The following KIF23 variants were observed in gnomAD, a reference collection of about 807,000 sequenced individuals.
The protein encoded by KIF23 is kinesin-like protein KIF23.
In KIF23, 30 loss-of-function variants were observed where a neutral mutation model predicts 137.5. The observed-to-expected ratio is 0.22, with a 90% confidence interval of 0.16 to 0.30. KIF23 has a LOEUF of 0.30. Ranked by LOEUF, KIF23 falls within the 10% of genes least tolerant of loss-of-function variation. KIF23 has a pLI of 1.00. For synonymous variants in KIF23, 367 were observed against 391.1 expected, an observed-to-expected ratio of 0.94 and a Z score of 0.73; for missense variants, 920 against 1,194.3, an observed-to-expected ratio of 0.77 and a Z score of 3.38.
intron 11 of KIF23, among the ~76,000 whole-genome samples, chr15:69,431,487 G>A (rs536771080): frequency 8.9e-4 from 135 of 152,232 alleles, no homozygotes; most frequent in Non-Finnish European, 1.5e-3. Context: ...GGTGGTGGGC[G>A]CCTGTAGTCC....
chr15:69,434,613 C>T lies in KIF23; in HGVS notation c.1115-870C>T, dbSNP rs180704704. ...TCTTCCAAGGTCATGATCTTAGAAA[C>T]ATAGTTGATGATGTAGGGGATGGAA... On this transcript the variant is annotated intron_variant, in intron 11 of 23. Coordinates refer to ENST00000679126, the MANE Select transcript of KIF23 (RefSeq NM_001367805.3). The T allele has an allele frequency of 2.8e-4, 377 of 1,341,816 alleles. 1 individual carries two copies. The highest frequency in any genetic ancestry group is 3.7e-4 in the Non-Finnish European group (344 of 941,288). The allele number at this position is 1,341,816 out of a possible 1,614,324, so 83.1% of individuals were successfully genotyped here.
chr15:69,422,092 C>A lies in KIF23; in HGVS notation c.417C>A (p.Ile139=). The A allele has an allele frequency of 6.2e-7, 1 of 1,614,110 alleles. No homozygotes were observed. The highest frequency in any genetic ancestry group is 1.3e-5 in the African/African-American group (1 of 75,026). Residue 139 remains isoleucine, a synonymous_variant, in exon 5 of 24, where the codon ATC becomes ATA. Coordinates refer to ENST00000679126, the MANE Select transcript of KIF23 (RefSeq NM_001367805.3). ...TGCTTCCTCGTTGTTTGGACATGAT[C>A]TTTAACAGTATAGGGTCATTTCAAG... ...GGLLPRCLDM[I]FNSIGSFQAK... is the part of the protein sequence containing the mutation.
Position 69,444,984 on chromosome 15 carries a change from C to G in KIF23, c.2616C>G (p.Tyr872Ter). The G allele has an allele frequency of 6.2e-7, 1 of 1,614,120 alleles. No individual in the cohort carries two copies. The highest frequency in any genetic ancestry group is 8.5e-7 in the Non-Finnish European group (1 of 1,180,018). ...NEKALAKCEK[Y>*]MLTHQELASD... ...AGGCACTAGCTAAGTGTGAGAAGTA[C>G]ATGCTGACCCACCAGGAACTAGCCT... is the stretch of plus-strand genomic sequence containing the variant. Residue 872 changes from tyrosine to a stop codon, truncating the protein, a stop_gained, in exon 20 of 24, where the codon TAC (tyrosine) becomes TAG (stop). Coordinates refer to ENST00000679126, the MANE Select transcript of KIF23 (RefSeq NM_001367805.3). LOFTEE classifies it high-confidence loss of function. The surrounding 1 kb of genome is among the most constrained non-coding windows in gnomAD (Gnocchi z 4.2).
At chr15:69,446,412 C>A in intron 22 of KIF23, 48 bp downstream of exon 22, 3 of 1,480,410 alleles carry the variant, frequency 2.0e-6, no homozygotes, top group Non-Finnish European at 2.8e-6. Flanking sequence ...TTAGGTTTGT[C>A]ATGTTTTAAA....
intron 11 of KIF23, chr15:69,434,929 A>G (rs995310109): frequency 1.4e-6 from 1 of 692,602 alleles, no homozygotes; most frequent in Non-Finnish European, 2.5e-6. Flanking sequence ...TGCAGGTTGC[A>G]GCTGTACGCG....
At chr15:69,437,456 C>CTTTTTT (rs772460557) in intron 15 of KIF23, among the ~76,000 whole-genome samples, 2 of 120,554 alleles carry the variant, frequency 1.7e-5, no homozygotes, top group African/African-American at 3.2e-5. Context: ...AATGTATCTA[C>CTTTTTT]TTTTTTTTTT....
intron 7 of KIF23, among the ~76,000 whole-genome samples, chr15:69,424,713 G>T (rs1329797345): frequency 6.6e-6 from 1 of 152,040 alleles, no homozygotes; most frequent in Admixed American, 6.6e-5. Context: ...TCACTAGGTT[G>T]CCCAGGTTGG....
intron 19 of KIF23, among the ~76,000 whole-genome samples, chr15:69,441,354 T>C (rs2057616280): frequency 6.6e-6 from 1 of 152,216 alleles, no homozygotes. Flanking sequence ...CTGCATACGC[T>C]AATAAGCTTT....
At chr15:69,423,640 T>C (rs978893966) in intron 7 of KIF23, among the ~76,000 whole-genome samples, 2 of 152,194 alleles carry the variant, frequency 1.3e-5, no homozygotes, top group African/African-American at 4.8e-5. Context: ...AATTATATAA[T>C]TAAGAACGTT....
chr15:69,428,047 G>A lies in KIF23; in HGVS notation c.1012-1064G>A, dbSNP rs560824444. Among the ~76,000 whole-genome samples, 148 of 151,840 alleles carry A rather than the reference G, an allele frequency of 9.7e-4. No individual in the cohort carries two copies. In the South Asian group the frequency reaches 0.012, roughly 13 times the overall value. On this transcript the variant is annotated intron_variant, in intron 10 of 23. Coordinates refer to ENST00000679126, the MANE Select transcript of KIF23 (RefSeq NM_001367805.3). ...GCCAAGACGGGTGGATCATGAGGTCGGGAGATTGAGACCATCCTGGCCAAC... is the reference window on the plus strand; with the variant it reads ...GCCAAGACGGGTGGATCATGAGGTCAGGAGATTGAGACCATCCTGGCCAAC...
rs779173661 is a variant in KIF23, at chr15:69,414,397, C to T, written c.-69C>T. The T allele has an allele frequency of 5.8e-6, 9 of 1,554,198 alleles. No homozygotes were observed. The highest frequency in any genetic ancestry group is 7.0e-6 in the Non-Finnish European group (8 of 1,148,820). ...GAAGTTCTAGTTCTTGCTGCCGGTC[C>T]TAACGTCCCGCAGTCTTCGCCAGCC... is the stretch of plus-strand genomic sequence containing the variant. On this transcript the variant is annotated 5_prime_UTR_variant, in exon 1 of 24. Coordinates refer to ENST00000679126, the MANE Select transcript of KIF23 (RefSeq NM_001367805.3).
rs1216922626 is a variant in KIF23, at chr15:69,424,822, T to C, written c.735-460T>C. ...CATGCCTGGCCTGACCATCACTTTT[T>C]ATATCAAACTAATTACTTTCCCATT... On this transcript the variant is annotated intron_variant, in intron 7 of 23. Coordinates refer to ENST00000679126, the MANE Select transcript of KIF23 (RefSeq NM_001367805.3). Among the ~76,000 whole-genome samples, 3 of 152,222 alleles carry C rather than the reference T, an allele frequency of 2.0e-5. No homozygotes were observed. In the East Asian group the frequency reaches 5.8e-4, roughly 29 times the overall value.
rs1327453606 is a variant in KIF23, at chr15:69,446,741, T to C, written c.2839-130T>C. The C allele has an allele frequency of 3.6e-6, 3 of 841,774 alleles. No individual in the cohort carries two copies. In the East Asian group the frequency reaches 7.4e-5, roughly 21 times the overall value. 52.1% of individuals were successfully genotyped at this position (841,774 alleles called of 1,614,324 possible). Reference sequence around the variant, plus strand: ...AATAAATTACGAGTGACTGGTGTTTTAACGTAAGAGTCTTTGCTGAACTAG... The same window carrying C: ...AATAAATTACGAGTGACTGGTGTTTCAACGTAAGAGTCTTTGCTGAACTAG... On this transcript the variant is annotated intron_variant, in intron 22 of 23. Transcript: ENST00000679126.
chr15:69,431,473 G>C (rs1360749601), intron 11 of KIF23, among the ~76,000 whole-genome samples: 2 of 152,172 alleles, frequency 1.3e-5, no homozygotes, highest in Admixed American at 1.3e-4. Context: ...AATTAGCTGG[G>C]CGTGGTGGTG....
intron 11 of KIF23, chr15:69,434,377 G>T (rs1221914479): frequency 7.9e-6 from 2 of 251,972 alleles, no homozygotes; most frequent in African/African-American, 4.5e-5. Context: ...TTAAATAATT[G>T]GTTTCTTATT....
intron 6 of KIF23, chr15:69,422,956 A>G (rs544894235): frequency 7.3e-6 from 3 of 409,596 alleles, no homozygotes; most frequent in Admixed American, 4.5e-5. Flanking sequence ...ACACGCCACC[A>G]TGCCCGGCTA....
intron 19 of KIF23, among the ~76,000 whole-genome samples, chr15:69,442,186 C>T (rs1210912760): frequency 2.0e-5 from 3 of 152,064 alleles, no homozygotes; most frequent in African/African-American, 7.2e-5. Context: ...ATGACATTGA[C>T]TATTTTCATT....
intron 11 of KIF23, 33 bp downstream of exon 11, chr15:69,429,246 A>C (rs1400353206): frequency 4.2e-6 from 6 of 1,430,390 alleles, no homozygotes; most frequent in Non-Finnish European, 5.8e-6. Context: ...TTATTGCTAC[A>C]ACTTTCAGAA....
intron 2 of KIF23, among the ~76,000 whole-genome samples, chr15:69,416,370 A>AG (rs1192196150): frequency 3.9e-5 from 6 of 152,206 alleles, no homozygotes; most frequent in Non-Finnish European, 7.3e-5. Context: ...ATCCCAGAGA[A>AG]TATGAACTGA....
Sources: gnomAD v4.1 joint callset for allele counts (sites outside exome capture counted in the v4.1 genomes callset) on GRCh38, gnomAD v4.1.1 for gene constraint, Gnocchi (gnomAD v3.1) non-coding constraint, MANE v1.5 for transcripts, NCBI Gene and HGNC (gene_info 2026-07-23, HGNC 2026-07-21) for gene names.